Variants in GRM5 observed in about 807,000 individuals in gnomAD.
GRM5 encodes glutamate metabotropic receptor 5.
In GRM5, 19 loss-of-function variants were observed where a neutral mutation model predicts 83.1. The observed-to-expected ratio is 0.23, with a 90% confidence interval of 0.16 to 0.34. The LOEUF is 0.34. Among genes scored for constraint, GRM5 ranks in the 10% least tolerant of loss-of-function variants. The pLI is 1.00. For missense variants in GRM5, 1,160 were observed against 1,588.3 expected (o/e 0.73, Z 4.58); for synonymous variants, 675 against 633.6 (o/e 1.07, Z -0.98).
chr11:88,758,635 T>C (rs911674823), intron 3 of GRM5, among the ~76,000 whole-genome samples: 2 of 152,090 alleles, frequency 1.3e-5, no homozygotes, highest in South Asian at 2.1e-4. Context: ...CTCGAAAGCG[T>C]TGGGGAGAAT....
chr11:88,989,069 T>C (rs972083425), intron 2 of GRM5, among the ~76,000 whole-genome samples: 6 of 151,426 alleles, frequency 4.0e-5, no homozygotes, highest in African/African-American at 9.7e-5. Flanking sequence ...GACTGACAAA[T>C]TGGATGAAGA....
intron 3 of GRM5, among the ~76,000 whole-genome samples, chr11:88,790,077 T>C (rs1405890015): frequency 6.6e-6 from 1 of 152,158 alleles, no homozygotes; most frequent in East Asian, 1.9e-4. Flanking sequence ...TTGGCCAGGC[T>C]GGCCTTCAAT....
intron 2 of GRM5, among the ~76,000 whole-genome samples, chr11:88,937,444 C>A (rs879351346): frequency 6.6e-6 from 1 of 151,626 alleles, no homozygotes; most frequent in Non-Finnish European, 1.5e-5. Flanking sequence ...AATGACAACA[C>A]AGCCTTCATC....
chr11:88,820,160 C>T (rs1424040814), intron 3 of GRM5, among the ~76,000 whole-genome samples: 1 of 151,046 alleles, frequency 6.6e-6, no homozygotes, highest in African/African-American at 2.4e-5. Flanking sequence ...GCAGGCAGAT[C>T]ATGAGGACAG....
At chr11:88,749,118 G>A (rs143152985) in intron 3 of GRM5, among the ~76,000 whole-genome samples, 298 of 152,286 alleles carry the variant, frequency 2.0e-3, no homozygotes, top group Admixed American at 3.8e-3. Context: ...GACAGAAGTA[G>A]GCTTCAAAAG....
chr11:88,752,887 A>C (rs7124237), intron 3 of GRM5, among the ~76,000 whole-genome samples: 1 of 151,322 alleles, frequency 6.6e-6, no homozygotes, highest in Non-Finnish European at 1.5e-5. Context: ...ATGGTGCTCA[A>C]AGAACAGGTT....
At chr11:88,735,145 T>C (rs191082117) in intron 3 of GRM5, among the ~76,000 whole-genome samples, 68 of 152,138 alleles carry the variant, frequency 4.5e-4, no homozygotes, top group African/African-American at 1.6e-3. Flanking sequence ...CTCGAAGAAA[T>C]ACATTGTTTA....
chr11:88,916,296 C>A (rs561071788), intron 2 of GRM5, among the ~76,000 whole-genome samples: 48 of 152,080 alleles, frequency 3.2e-4, no homozygotes, highest in Non-Finnish European at 5.9e-4. Context: ...CGTACACCAC[C>A]CCTCCCCCAT....
At chr11:88,944,850 A>T (rs1172140729) in intron 2 of GRM5, among the ~76,000 whole-genome samples, 2 of 151,940 alleles carry the variant, frequency 1.3e-5, no homozygotes, top group Non-Finnish European at 2.9e-5. Flanking sequence ...TACAGAATGG[A>T]GTGCTAGCTA....
intron 4 of GRM5, among the ~76,000 whole-genome samples, chr11:88,648,958 C>T (rs181304706): frequency 6.8e-6 from 1 of 147,666 alleles, no homozygotes; most frequent in Non-Finnish European, 1.5e-5. Flanking sequence ...CTTTATTCTA[C>T]AGGCTTAAGG....
At chr11:88,615,626 A>G (rs547091265) in intron 4 of GRM5, among the ~76,000 whole-genome samples, 2 of 148,880 alleles carry the variant, frequency 1.3e-5, no homozygotes, top group African/African-American at 5.0e-5. Context: ...GCTAGGGGCT[A>G]TTTCCACTAT....
At chr11:88,540,810 GATCTC>G (rs1942248163) in intron 8 of GRM5, among the ~76,000 whole-genome samples, 1 of 151,982 alleles carries the variant, frequency 6.6e-6, no homozygotes, top group Admixed American at 6.6e-5. Context: ...GCGTGATCGT[GATCTC>G]AGCTCACTGT....
chr11:88,937,709 T>A (rs928791335), intron 2 of GRM5, among the ~76,000 whole-genome samples: 1 of 151,562 alleles, frequency 6.6e-6, no homozygotes, highest in African/African-American at 2.4e-5. Context: ...TTTTATTTTA[T>A]AGACAAATTT....
rs61456975 is a variant in GRM5 at position 88,885,450 on chromosome 11, G to GTTTTTTTTTTTTTTTTTTT, written c.662-35314_662-35296dup. 8.0e-5 allele frequency among the ~76,000 whole-genome samples: 5 copies of GTTTTTTTTTTTTTTTTTTT among 62,664 alleles called. 1 individual carries two copies. Among genetic ancestry groups the GTTTTTTTTTTTTTTTTTTT allele is most frequent in the African/African-American group, 3.0e-4 (5 of 16,892 alleles). The allele number at this position is 62,664 out of a possible 152,430, so 41.1% of individuals were successfully genotyped here. A position where few individuals can be genotyped will look rare whatever the true frequency, so the allele number is the denominator to read the frequency against. ...TTCTGAATTCTATAGTAGGTACCAT[G>GTTTTTTTTTTTTTTTTTTT]TTTTTTTTTTTTTTTTTTTTTTTTT... On this transcript the variant is annotated intron_variant, in intron 2 of 9. Coordinates refer to ENST00000305447, the MANE Select transcript of GRM5 (RefSeq NM_001143831.3).
intron 8 of GRM5, among the ~76,000 whole-genome samples, chr11:88,563,717 C>T (rs1290234752): frequency 1.3e-5 from 2 of 152,176 alleles, no homozygotes; most frequent in Non-Finnish European, 2.9e-5. Context: ...AAGCACAACT[C>T]AGGGAAGCAA....
intron 7 of GRM5, among the ~76,000 whole-genome samples, chr11:88,585,319 C>T (rs1287856332): frequency 6.6e-6 from 1 of 152,156 alleles, no homozygotes; most frequent in Admixed American, 6.6e-5. Flanking sequence ...ACAGGGGCCC[C>T]AGCCAATGAA....
intron 8 of GRM5, among the ~76,000 whole-genome samples, chr11:88,547,565 G>T (rs1190211301): frequency 6.6e-6 from 1 of 152,114 alleles, no homozygotes; most frequent in Non-Finnish European, 1.5e-5. Context: ...TGTACTCAAG[G>T]CTATCTCCTC....
chr11:88,954,262 T>G (rs1938543443), intron 2 of GRM5, among the ~76,000 whole-genome samples: 1 of 152,140 alleles, frequency 6.6e-6, no homozygotes, highest in Non-Finnish European at 1.5e-5. Flanking sequence ...CTGCATATCT[T>G]AAAGAAAATT....
intron 2 of GRM5, among the ~76,000 whole-genome samples, chr11:88,885,954 G>A (rs1053290433): frequency 2.6e-5 from 4 of 152,096 alleles, no homozygotes; most frequent in African/African-American, 9.7e-5. Flanking sequence ...AAGAGCAGAC[G>A]AGATGGTGCC....
Sources: gnomAD v4.1 joint callset for allele counts (sites outside exome capture counted in the v4.1 genomes callset) on GRCh38, gnomAD v4.1.1 for gene constraint, MANE v1.5 for transcripts, NCBI Gene and HGNC (gene_info 2026-07-23, HGNC 2026-07-21) for gene names.